FARP2: variants seen among roughly 807,000 people sequenced by gnomAD.
FARP2 encodes FERM, ARHGEF and pleckstrin domain-containing protein 2.
FARP2 carries 111 observed loss-of-function variants against 130.5 expected under a neutral mutation model. That is an observed-to-expected ratio of 0.85 (90% CI 0.73 to 1.00). The LOEUF is 1.00. Ranked by LOEUF, FARP2 falls within the 50% of genes least tolerant of loss-of-function variation. The pLI is 0.00. For missense variants in FARP2, 1,385 were observed against 1,346.3 expected, an observed-to-expected ratio of 1.03 and a Z score of -0.45; for synonymous variants, 504 against 516.9, an observed-to-expected ratio of 0.98 and a Z score of 0.34.
rs776972015 is a variant in FARP2, at chr2:241,482,036, TA to T, written c.2263-1426del. On this transcript the variant is annotated intron_variant, in intron 19 of 26. Coordinates refer to ENST00000264042, the MANE Select transcript of FARP2 (RefSeq NM_014808.4). This position sits in a 1 kb window ranked among gnomAD's most constrained non-coding sequence, Gnocchi z 4.6. ...CCCAGAATTTCTTGTCTTCCTGAGTTAAATATGTGTGTCAGTCAACAGACAG... is the reference window on the plus strand; with the variant it reads ...CCCAGAATTTCTTGTCTTCCTGAGTTAATATGTGTGTCAGTCAACAGACAG... Among the ~76,000 whole-genome samples the T allele has an allele frequency of 6.3e-4, 96 of 152,344 alleles. 1 individual carries two copies. The highest frequency in any genetic ancestry group is 3.4e-3 in the Middle Eastern group (1 of 294).
chr2:241,452,585 T>A (rs931644623), intron 13 of FARP2, among the ~76,000 whole-genome samples: 1 of 151,924 alleles, frequency 6.6e-6, no homozygotes, highest in African/African-American at 2.4e-5. Context: ...AGAGGACTGT[T>A]TGAGGCCAGG....
rs2063943970 is a variant in FARP2 at position 241,459,089 on chromosome 2, G to C, written c.1587+2167G>C. Among the ~76,000 whole-genome samples, 1 of 152,246 alleles carries C rather than the reference G, an allele frequency of 6.6e-6. No homozygotes were observed. Among genetic ancestry groups the C allele is most frequent in the African/African-American group, 2.4e-5 (1 of 41,466 alleles). The stretch of plus-strand genomic sequence containing the variant: ...GGGCTCTGGGCTCTGCTTCAATTCT[G>C]TGTGTGTGAGTTGAGATAGCAAGGC... On this transcript the variant is annotated intron_variant, in intron 14 of 26. Coordinates refer to ENST00000264042, the MANE Select transcript of FARP2 (RefSeq NM_014808.4). This position sits in a 1 kb window ranked among gnomAD's most constrained non-coding sequence, Gnocchi z 5.3.
intron 1 of FARP2, among the ~76,000 whole-genome samples, chr2:241,357,316 T>G (rs368387713): frequency 3.4e-4 from 51 of 152,230 alleles, no homozygotes; most frequent in African/African-American, 1.2e-3. Flanking sequence ...GGTTAGCGTG[T>G]TGGTCTTGTG....
chr2:241,470,821 C>G (rs1291973148), intron 18 of FARP2, among the ~76,000 whole-genome samples: 1 of 141,136 alleles, frequency 7.1e-6, no homozygotes, highest in Non-Finnish European at 1.6e-5. Flanking sequence ...GGGGACTCTG[C>G]TCTCAGGTGG....
Position 241,413,420 on chromosome 2 carries a change from G to T in FARP2, c.622G>T (p.Val208Leu), listed in dbSNP as rs763415455. 2.5e-6 allele frequency: 4 copies of T among 1,591,722 alleles called. No individual in the cohort carries two copies. The African/African-American group carries it at 4.0e-5, about 16-fold the overall frequency. ...GATACTAGAATTCCATCAGAAGCAC[G>T]TGTAAGTCATCACAATTGTCTGTCA... ...EKILEFHQKH[V>L]GQTPAESDFQ... Residue 208 changes from valine to leucine, a missense_variant and splice_region_variant, in exon 7 of 27, where the codon GTG becomes TTG. Transcript: ENST00000264042.
chr2:241,484,262 C>T lies in FARP2; in HGVS notation c.2352C>T (p.Tyr784=). 6.2e-7 allele frequency: 1 copy of T among 1,614,126 alleles called. No homozygotes were observed. ...CTCAGTTCTCAGATATGTTGCTGTA[C>T]ACAAGCAAAGGAGTTGCAGGGACCA... The part of the protein sequence containing the change: ...MFFLFSDMLL[Y]TSKGVAGTSH... Residue 784 remains tyrosine, a synonymous_variant, in exon 21 of 27, where the codon TAC becomes TAT. Transcript: ENST00000264042.
intron 13 of FARP2, among the ~76,000 whole-genome samples, chr2:241,449,311 A>G (rs2063589937): frequency 1.3e-5 from 2 of 152,104 alleles, no homozygotes; most frequent in Non-Finnish European, 1.5e-5. Flanking sequence ...AAAGGAAAAA[A>G]AAAAAAGAAA....
At position 241,404,058 on chromosome 2, in the gene FARP2, G is replaced by C. The variant is rs183090879; in HGVS notation, c.288+126G>C. On this transcript the variant is annotated intron_variant, in intron 3 of 26. Transcript: ENST00000264042. The stretch of plus-strand genomic sequence containing the variant: ...TTGCTATTAAAATATATTCTTGTTA[G>C]CTGTAGAGAATATGTCTGCCTTTAA... 997 of 615,936 alleles carry C rather than the reference G, an allele frequency of 1.6e-3. 4 individuals carry two copies. The highest frequency in any genetic ancestry group is 0.016 in the African/African-American group (859 of 53,896). 38.2% of individuals were successfully genotyped at this position (615,936 alleles called of 1,614,324 possible).
At chr2:241,452,567 C>CCTT (rs2063687948) in intron 13 of FARP2, among the ~76,000 whole-genome samples, 1 of 151,736 alleles carries the variant, frequency 6.6e-6, no homozygotes, top group Non-Finnish European at 1.5e-5. Context: ...ACACAGAAGG[C>CCTT]TAAGGCAAGA....
intron 2 of FARP2, among the ~76,000 whole-genome samples, chr2:241,395,130 A>G (rs925967794): frequency 9.9e-5 from 15 of 152,182 alleles, no homozygotes; most frequent in Middle Eastern, 3.2e-3. Flanking sequence ...CACCAAGTGG[A>G]AACCAGGATT....
intron 2 of FARP2, among the ~76,000 whole-genome samples, chr2:241,381,010 C>A (rs1344859871): frequency 6.6e-6 from 1 of 152,138 alleles, no homozygotes; most frequent in Admixed American, 6.5e-5. Context: ...GCCCTTACCC[C>A]CCTGATGGAA....
intron 8 of FARP2, among the ~76,000 whole-genome samples, chr2:241,423,692 A>G (rs1237493719): frequency 6.6e-6 from 1 of 152,244 alleles, no homozygotes; most frequent in Non-Finnish European, 1.5e-5. Context: ...GCCAAGACCT[A>G]TGGGTATGCT....
intron 18 of FARP2, among the ~76,000 whole-genome samples, chr2:241,474,312 C>G (rs1345221820): frequency 1.3e-5 from 1 of 74,408 alleles, no homozygotes; most frequent in African/African-American, 5.8e-5. Context: ...AGCGAGATTC[C>G]GTCTCAAAAA....
intron 2 of FARP2, among the ~76,000 whole-genome samples, chr2:241,375,194 G>A (rs1015929502): frequency 2.6e-5 from 4 of 151,874 alleles, no homozygotes; most frequent in Non-Finnish European, 4.4e-5. Flanking sequence ...CTCGTGATCC[G>A]CCCGCTTCGG....
At chr2:241,457,137 G>C (rs370899034) in intron 14 of FARP2, among the ~76,000 whole-genome samples, 5 of 152,316 alleles carry the variant, frequency 3.3e-5, no homozygotes, top group African/African-American at 1.2e-4. Context: ...TGGGACTCCA[G>C]GTTCCTTCGT....
intron 8 of FARP2, among the ~76,000 whole-genome samples, chr2:241,429,703 G>A (rs1297942702): frequency 2.0e-5 from 3 of 150,852 alleles, no homozygotes; most frequent in Non-Finnish European, 3.0e-5. Flanking sequence ...GGGCAACATA[G>A]CAAGACCCCA....
At chr2:241,450,388 C>G (rs1030385955) in intron 13 of FARP2, among the ~76,000 whole-genome samples, 35 of 151,786 alleles carry the variant, frequency 2.3e-4, no homozygotes, top group Admixed American at 3.3e-4. Flanking sequence ...ACAAAAAAGG[C>G]CAGGCGCGGT....
intron 2 of FARP2, among the ~76,000 whole-genome samples, chr2:241,388,062 G>T (rs552291632): frequency 6.6e-6 from 1 of 152,224 alleles, no homozygotes; most frequent in South Asian, 2.1e-4. Context: ...AGTAGAAATT[G>T]ACAGCAGATC....
chr2:241,491,033 C>T (rs1336803504), intron 22 of FARP2, 28 bp from the exon 23 acceptor site: 3 of 1,541,640 alleles, frequency 1.9e-6, no homozygotes, highest in Admixed American at 3.3e-5. Context: ...AAGAGCAGAG[C>T]CACTGAGCCT....
Sources: allele counts gnomAD v4.1 joint callset (sites outside exome capture counted in the v4.1 genomes callset), GRCh38; gene constraint gnomAD v4.1.1; non-coding constraint Gnocchi (gnomAD v3.1); transcripts MANE v1.5; gene names NCBI Gene and HGNC (gene_info 2026-07-23, HGNC 2026-07-21).